The following SAE1 variants were observed in gnomAD, a reference collection of about 807,000 sequenced individuals.
The protein encoded by SAE1 is SUMO-activating enzyme subunit 1.
Under a neutral mutation model 40.6 loss-of-function variants are expected in SAE1, and 11 were observed. That is an observed-to-expected ratio of 0.27 (90% CI 0.17 to 0.45). The LOEUF is 0.45. Among genes scored for constraint, SAE1 ranks in the 20% least tolerant of loss-of-function variants. SAE1 has a pLI of 1.00. For synonymous variants in SAE1, 155 were observed against 154.3 expected (o/e 1.00, Z -0.03); for missense variants, 373 against 427.3 (o/e 0.87, Z 1.12).
intron 6 of SAE1, among the ~76,000 whole-genome samples, chr19:47,180,686 A>C (rs961210222): frequency 1.3e-4 from 20 of 152,178 alleles, no homozygotes; most frequent in Non-Finnish European, 2.2e-4. Flanking sequence ...AGCCAGATAC[A>C]GTGGTGCATG....
At chr19:47,197,432 G>A in intron 7 of SAE1, 55 bp downstream of exon 7, 3 of 1,505,038 alleles carry the variant, frequency 2.0e-6, no homozygotes, top group Non-Finnish European at 1.8e-6. Flanking sequence ...TTGTTTTCAG[G>A]ATTTGCCTTA....
chr19:47,196,367 T>C (rs868306926), intron 6 of SAE1, among the ~76,000 whole-genome samples: 1 of 97,012 alleles, frequency 1.0e-5, no homozygotes, highest in Non-Finnish European at 2.0e-5. Context: ...TTTTTTTTTT[T>C]AATTTTACTT....
chr19:47,209,136 C>G (rs113966999), intron 8 of SAE1, 23 bp from the exon 9 acceptor site: 1 of 1,610,430 alleles, frequency 6.2e-7, no homozygotes, highest in African/African-American at 1.3e-5. Context: ...TGAGCTAAAC[C>G]CTCTTTTCAT....
intron 1 of SAE1, among the ~76,000 whole-genome samples, chr19:47,137,249 G>T (rs1380101973): frequency 6.6e-6 from 1 of 152,010 alleles, no homozygotes; most frequent in African/African-American, 2.4e-5. Flanking sequence ...TTAGCCAGGT[G>T]TGGTGGTGGG....
In SAE1 at chr19:47,155,166, A is replaced by T. The variant is rs1023537834; in HGVS notation, c.580A>T (p.Thr194Ser). The change falls in exon 5 of 9, where the codon ACC (threonine) becomes TCC (serine). Residue 194 changes from threonine to serine, a missense_variant. Thr to Ser is a moderately conservative substitution (Grantham distance 58). This residue lies in a region of SAE1 where 351 missense variants were observed against 390.6 expected (regional missense o/e 0.90). Transcript: ENST00000270225. The part of the protein sequence containing the change: ...VSQGVEDGPD[T>S]KRAKLDSSET... ...CCAAGGAGTAGAAGATGGGCCCGAC[A>T]CCAAGAGAGCAAAACTTGATTCTTC... is the stretch of plus-strand genomic sequence containing the variant. The T allele has an allele frequency of 6.2e-7, 1 of 1,614,008 alleles. No homozygotes were observed. The highest frequency in any genetic ancestry group is 1.7e-5 in the Admixed American group (1 of 59,988).
In SAE1 at chr19:47,163,845, G is replaced by A. The variant is rs114770152; in HGVS notation, c.628-5973G>A. On this transcript the variant is annotated intron_variant, in intron 5 of 8. Coordinates refer to ENST00000270225, the MANE Select transcript of SAE1 (RefSeq NM_005500.3). ...TTATTGCCCAGGCTGGAGCGCAGTG[G>A]CGTGATCTCCGTCTCCCAGGTTCAA... 9.5e-3 allele frequency among the ~76,000 whole-genome samples: 1,440 copies of A among 152,218 alleles called. 24 individuals are homozygous for A. Among genetic ancestry groups the A allele is most frequent in the African/African-American group, 0.033 (1,362 of 41,546 alleles).
intron 5 of SAE1, 152 bp from the exon 6 acceptor site, chr19:47,169,666 A>G (rs2058418397): frequency 2.3e-5 from 15 of 649,722 alleles, no homozygotes; most frequent in Non-Finnish European, 3.9e-5. Flanking sequence ...GTGAGTGTTC[A>G]ATAAGCATTT....
intron 6 of SAE1, among the ~76,000 whole-genome samples, chr19:47,186,154 C>T (rs1336496350): frequency 6.6e-6 from 1 of 151,682 alleles, no homozygotes; most frequent in African/African-American, 2.4e-5. Flanking sequence ...GCAGGAGAAT[C>T]ACTTGAACCC....
intron 6 of SAE1, among the ~76,000 whole-genome samples, chr19:47,190,974 C>G (rs761068454): frequency 6.6e-6 from 1 of 152,204 alleles, no homozygotes; most frequent in Non-Finnish European, 1.5e-5. Context: ...CTGTATGGAC[C>G]TGCTGTTTCT....
chr19:47,146,312 T>C (rs1296408678), intron 2 of SAE1, among the ~76,000 whole-genome samples: 2 of 152,118 alleles, frequency 1.3e-5, no homozygotes, highest in Middle Eastern at 3.2e-3. Context: ...CATGGTTAGC[T>C]TTGGGCTTTA....
intron 1 of SAE1, chr19:47,135,725 A>G (rs1366233242): frequency 6.6e-6 from 1 of 152,044 alleles, no homozygotes; most frequent in Non-Finnish European, 1.5e-5. Flanking sequence ...GGCTCAAATA[A>G]TCCTCCTGCC....
intron 4 of SAE1, among the ~76,000 whole-genome samples, chr19:47,153,485 T>TA (rs950109725): frequency 6.6e-5 from 10 of 152,180 alleles, no homozygotes; most frequent in Non-Finnish European, 1.5e-4. Context: ...AGATGGCAGA[T>TA]GATACATTAT....
intron 6 of SAE1, among the ~76,000 whole-genome samples, chr19:47,181,504 A>T: frequency 2.0e-5 from 2 of 100,282 alleles, no homozygotes; most frequent in South Asian, 3.5e-4. Flanking sequence ...TTTGAGATGG[A>T]GTCTCACTCT....
intron 6 of SAE1, among the ~76,000 whole-genome samples, chr19:47,192,002 C>A (rs1442166707): frequency 6.7e-6 from 1 of 149,784 alleles, no homozygotes; most frequent in Non-Finnish European, 1.5e-5. Context: ...TGCAGTGAGC[C>A]GAGATCGCGC....
chr19:47,143,483 T>A lies in SAE1; in HGVS notation c.99-11T>A. On this transcript the variant is annotated splice_polypyrimidine_tract_variant and intron_variant, in intron 1 of 8. Coordinates refer to ENST00000270225, the MANE Select transcript of SAE1 (RefSeq NM_005500.3). ...TTCTGTATCATCAGGTTAACAATGT[T>A]TGTCTTACAGGCTGCGGGCCTCTCG... is the stretch of plus-strand genomic sequence containing the variant. The A allele has an allele frequency of 6.2e-7, 1 of 1,605,056 alleles. No individual in the cohort carries two copies. Among genetic ancestry groups the A allele is most frequent in the Non-Finnish European group, 8.5e-7 (1 of 1,171,740 alleles).
chr19:47,150,074 CA>C (rs34440742), intron 2 of SAE1, 127 bp from the exon 3 acceptor site: 55,143 of 336,876 alleles, frequency 0.16, 147 homozygotes, highest in Middle Eastern at 0.17. Flanking sequence ...AAGACTGTCT[CA>C]AAAAAAAAAA....
chr19:47,134,592 C>G (rs951041473), intron 1 of SAE1, among the ~76,000 whole-genome samples: 6 of 151,412 alleles, frequency 4.0e-5, no homozygotes, highest in Non-Finnish European at 8.8e-5. Context: ...TTTGAGGAAG[C>G]TTGGTGTGTT....
intron 6 of SAE1, among the ~76,000 whole-genome samples, chr19:47,181,677 C>T (rs1349655543): frequency 6.6e-6 from 1 of 150,994 alleles, no homozygotes; most frequent in Non-Finnish European, 1.5e-5. Flanking sequence ...TGGGGTTTCG[C>T]CATGTTAGCC....
chr19:47,206,029 C>T (rs1442163859), intron 8 of SAE1, among the ~76,000 whole-genome samples: 1 of 152,196 alleles, frequency 6.6e-6, no homozygotes, highest in East Asian at 1.9e-4. Flanking sequence ...CATTGAGGGG[C>T]TCCCCCTAAA....
Sources: allele counts gnomAD v4.1 joint callset (sites outside exome capture counted in the v4.1 genomes callset), GRCh38; gene constraint gnomAD v4.1.1; regional missense constraint gnomAD v4.1.1; transcripts MANE v1.5; gene names NCBI Gene and HGNC (gene_info 2026-07-23, HGNC 2026-07-21).